The following UBE2G1 variants were observed in gnomAD, a reference collection of about 807,000 sequenced individuals.
The protein encoded by UBE2G1 is ubiquitin-conjugating enzyme E2 G1.
In UBE2G1, 5 loss-of-function variants were observed where a neutral mutation model predicts 22.7. That is an observed-to-expected ratio of 0.22 (90% CI 0.12 to 0.46). The LOEUF is 0.46. Ranked by LOEUF, UBE2G1 falls within the 20% of genes least tolerant of loss-of-function variation. The pLI is 0.99. For missense variants in UBE2G1, 88 were observed against 203.9 expected (o/e 0.43, Z 3.46); for synonymous variants, 74 against 67.5 (o/e 1.10, Z -0.47).
intron 1 of UBE2G1, among the ~76,000 whole-genome samples, chr17:4,339,511 C>T (rs1220331369): frequency 6.6e-6 from 1 of 152,102 alleles, no homozygotes; most frequent in Non-Finnish European, 1.5e-5. Context: ...AGCATGTTGA[C>T]CAGGCTGGTC....
chr17:4,366,438 AG>A lies in UBE2G1; in HGVS notation c.-123del. On this transcript the variant is annotated 5_prime_UTR_variant, in exon 1 of 6. Coordinates refer to ENST00000396981, the MANE Select transcript of UBE2G1 (RefSeq NM_003342.5). Reference sequence around the variant, plus strand: ...CCCCGCGACCGGAGCGCCGGAGCCGAGGAAGGCCGGGCTGAGGCGGCGGGAG... The same window carrying A: ...CCCCGCGACCGGAGCGCCGGAGCCGAGAAGGCCGGGCTGAGGCGGCGGGAG... 1 of 1,049,884 alleles carries A rather than the reference AG, an allele frequency of 9.5e-7. No individual in the cohort carries two copies. Among genetic ancestry groups the A allele is most frequent in the Non-Finnish European group, 1.3e-6 (1 of 795,622 alleles). 65.0% of individuals were successfully genotyped at this position (1,049,884 alleles called of 1,614,324 possible).
intron 2 of UBE2G1, among the ~76,000 whole-genome samples, chr17:4,305,231 G>A (rs1320393131): frequency 6.6e-6 from 1 of 152,054 alleles, no homozygotes; most frequent in East Asian, 1.9e-4. Flanking sequence ...ACTACGCCCG[G>A]CCGACAACAA....
chr17:4,277,391 G>A (rs1404185382), intron 5 of UBE2G1, among the ~76,000 whole-genome samples: 2 of 152,224 alleles, frequency 1.3e-5, no homozygotes, highest in African/African-American at 4.8e-5. Context: ...AACCAATACA[G>A]TCCCTCTAGC....
chr17:4,343,329 C>T lies in UBE2G1; in HGVS notation c.46+22942G>A, dbSNP rs560983004. On this transcript the variant is annotated intron_variant, in intron 1 of 5. Coordinates refer to ENST00000396981, the MANE Select transcript of UBE2G1 (RefSeq NM_003342.5). ...AGTCCAGGCCAGGCGCGGTAGCTCA[C>T]GCCTGTAATCCCAGCACTTTGGGAG... 1.4e-3 allele frequency among the ~76,000 whole-genome samples: 206 copies of T among 152,178 alleles called. 1 individual carries two copies. The highest frequency in any genetic ancestry group is 4.7e-3 in the African/African-American group (194 of 41,540).
chr17:4,330,396 C>CA (rs1156832388), intron 1 of UBE2G1, among the ~76,000 whole-genome samples: 2 of 151,874 alleles, frequency 1.3e-5, no homozygotes, highest in Non-Finnish European at 2.9e-5. Flanking sequence ...CTCTAAGTGT[C>CA]AAAAAATAAA....
intron 5 of UBE2G1, among the ~76,000 whole-genome samples, chr17:4,273,369 A>G (rs1968782791): frequency 6.6e-6 from 1 of 152,188 alleles, no homozygotes; most frequent in Admixed American, 6.5e-5. Context: ...TTTATTTGAG[A>G]CAGGGTCCCA....
At chr17:4,341,741 T>C (rs570082563) in intron 1 of UBE2G1, among the ~76,000 whole-genome samples, 2 of 152,314 alleles carry the variant, frequency 1.3e-5, no homozygotes, top group East Asian at 3.9e-4. Context: ...TACCAATCCG[T>C]CCAGTGCAAC....
Position 4,272,292 on chromosome 17 carries a change from T to C in UBE2G1, c.*262A>G, listed in dbSNP as rs916682702. 1 of 156,142 alleles carries C rather than the reference T, an allele frequency of 6.4e-6. No individual in the cohort carries two copies. The highest frequency in any genetic ancestry group is 1.4e-5 in the Non-Finnish European group (1 of 70,288). 9.7% of individuals were successfully genotyped at this position (156,142 alleles called of 1,614,324 possible). ...ATATTATCCGGATCATGTTGTGCTA[T>C]GTACAGGTCTTTACAATTCTTCCTG... On this transcript the variant is annotated 3_prime_UTR_variant, in exon 6 of 6. Transcript: ENST00000396981.
chr17:4,297,455 AC>A (rs559838265), intron 2 of UBE2G1, among the ~76,000 whole-genome samples: 55 of 152,346 alleles, frequency 3.6e-4, no homozygotes, highest in African/African-American at 1.3e-3. Flanking sequence ...TAATGTAGCC[AC>A]CAACCACTTG....
rs1010965512 is a variant in UBE2G1 at position 4,271,029 on chromosome 17, T to C, written c.*1525A>G. 6.6e-6 allele frequency: 1 copy of C among 152,350 alleles called. No individual in the cohort carries two copies. Among genetic ancestry groups the C allele is most frequent in the Middle Eastern group, 3.4e-3 (1 of 294 alleles). The allele number at this position is 152,350 out of a possible 1,614,324, so 9.4% of individuals were successfully genotyped here. ...CTACTGTCTCAAGTTCTATCCCTTA[T>C]AAGCCAAAGACTACTTCCCACACAC... On this transcript the variant is annotated 3_prime_UTR_variant, in exon 6 of 6. Coordinates refer to ENST00000396981, the MANE Select transcript of UBE2G1 (RefSeq NM_003342.5).
chr17:4,356,256 G>C (rs959477405), intron 1 of UBE2G1, among the ~76,000 whole-genome samples: 2 of 151,720 alleles, frequency 1.3e-5, no homozygotes, highest in African/African-American at 4.8e-5. Context: ...TACTCGGGAG[G>C]CTGAGGCAGG....
intron 5 of UBE2G1, among the ~76,000 whole-genome samples, chr17:4,279,313 G>C (rs1397062314): frequency 6.7e-6 from 1 of 150,352 alleles, no homozygotes; most frequent in South Asian, 2.1e-4. Context: ...AGATCAACAC[G>C]TACTGGCTGA....
At chr17:4,323,015 A>G (rs182092610) in intron 1 of UBE2G1, among the ~76,000 whole-genome samples, 2 of 152,394 alleles carry the variant, frequency 1.3e-5, no homozygotes, top group Non-Finnish European at 2.9e-5. Flanking sequence ...ACATAAATGC[A>G]TAACATTAAA....
intron 2 of UBE2G1, among the ~76,000 whole-genome samples, chr17:4,297,797 T>C (rs1969129316): frequency 6.6e-6 from 1 of 152,244 alleles, no homozygotes; most frequent in African/African-American, 2.4e-5. Flanking sequence ...TTGACCTCTT[T>C]AAATTTCTTT....
chr17:4,357,332 T>A (rs1477253218), intron 1 of UBE2G1, among the ~76,000 whole-genome samples: 2 of 152,012 alleles, frequency 1.3e-5, no homozygotes, highest in Non-Finnish European at 2.9e-5. Flanking sequence ...TTATTGTTGT[T>A]AGACTAACAT....
chr17:4,278,765 T>C (rs1442376371), intron 5 of UBE2G1, among the ~76,000 whole-genome samples: 1 of 152,208 alleles, frequency 6.6e-6, no homozygotes, highest in Non-Finnish European at 1.5e-5. Flanking sequence ...TTAGACTGCA[T>C]GGTATATCTG....
At chr17:4,305,450 C>T (rs904470164) in intron 2 of UBE2G1, among the ~76,000 whole-genome samples, 1 of 152,238 alleles carries the variant, frequency 6.6e-6, no homozygotes, top group African/African-American at 2.4e-5. Flanking sequence ...GCAGCATATA[C>T]ACACTCCAGC....
chr17:4,339,554 C>T (rs1026765412), intron 1 of UBE2G1, among the ~76,000 whole-genome samples: 1 of 152,144 alleles, frequency 6.6e-6, no homozygotes, highest in Non-Finnish European at 1.5e-5. Flanking sequence ...ATCCACCTGC[C>T]TTGGCCTCCC....
chr17:4,304,403 A>G (rs1320410334), intron 2 of UBE2G1, among the ~76,000 whole-genome samples: 3 of 152,230 alleles, frequency 2.0e-5, no homozygotes, highest in Admixed American at 1.3e-4. Flanking sequence ...AACAGTTGGT[A>G]TACCACACCA....
Sources: gnomAD v4.1 joint callset for allele counts (sites outside exome capture counted in the v4.1 genomes callset) on GRCh38, gnomAD v4.1.1 for gene constraint, MANE v1.5 for transcripts, NCBI Gene and HGNC (gene_info 2026-07-23, HGNC 2026-07-21) for gene names.